FOCAD: variants seen among roughly 807,000 people sequenced by gnomAD.
FOCAD encodes the protein KIAA1797.
In FOCAD, 198 loss-of-function variants were observed where a neutral mutation model predicts 225.6. The ratio of observed to expected loss-of-function variants is 0.88; its 90% CI spans 0.78 to 0.99. The LOEUF is 0.99. Ranked by LOEUF, FOCAD falls within the 50% of genes least tolerant of loss-of-function variation. The pLI is 0.00. For synonymous variants in FOCAD, 897 were observed against 755.0 expected, an observed-to-expected ratio of 1.19 and a Z score of -3.08; for missense variants, 2,713 against 2,123.6, an observed-to-expected ratio of 1.28 and a Z score of -5.46.
intron 19 of FOCAD, among the ~76,000 whole-genome samples, chr9:20,876,514 A>G (rs1986632): frequency 6.6e-6 from 1 of 151,900 alleles, no homozygotes; most frequent in African/African-American, 2.4e-5. Flanking sequence ...TATTACCTGG[A>G]TCTTCTACAT....
chr9:20,969,678 G>A (rs762966848), intron 35 of FOCAD, among the ~76,000 whole-genome samples: 1 of 121,072 alleles, frequency 8.3e-6, no homozygotes, highest in African/African-American at 3.2e-5. Context: ...CATAGTAAGT[G>A]AAAAGGGGAG....
chr9:20,983,213 G>A (rs1171501975), intron 39 of FOCAD, among the ~76,000 whole-genome samples: 1 of 152,154 alleles, frequency 6.6e-6, no homozygotes, highest in African/African-American at 2.4e-5. Context: ...ACGGAGCCCA[G>A]GAGTCTATGT....
chr9:20,750,583 C>A (rs561124160), intron 5 of FOCAD, among the ~76,000 whole-genome samples: 1 of 152,110 alleles, frequency 6.6e-6, no homozygotes, highest in Non-Finnish European at 1.5e-5. Flanking sequence ...GAAGGGTGAC[C>A]TGACTGCCTG....
Position 20,765,044 on chromosome 9 carries a change from C to G in FOCAD, c.670C>G (p.Leu224Val), listed in dbSNP as rs1829937459. Residue 224 changes from leucine (L) to valine (V), a missense_variant, in exon 7 of 44, where the codon CTG (leucine) becomes GTG (valine). Coordinates refer to ENST00000338382, the MANE Select transcript of FOCAD (RefSeq NM_001375567.1). ...PSILEQQILQ[L>V]CCDIVPCLQV... Reference sequence around the variant, plus strand: ...AATACTGGAACAGCAGATACTTCAACTGTGTTGTGACATAGTTCCATGTTT... The same window carrying G: ...AATACTGGAACAGCAGATACTTCAAGTGTGTTGTGACATAGTTCCATGTTT... 3 of 1,613,826 alleles carry G rather than the reference C, an allele frequency of 1.9e-6. No homozygotes were observed. Among genetic ancestry groups the G allele is most frequent in the Non-Finnish European group, 2.5e-6 (3 of 1,179,950 alleles).
intron 4 of FOCAD, among the ~76,000 whole-genome samples, chr9:20,722,690 T>G (rs1825882925): frequency 6.6e-6 from 1 of 152,236 alleles, no homozygotes; most frequent in Non-Finnish European, 1.5e-5. Flanking sequence ...ATAATTCTAT[T>G]GTATACCAAT....
chr9:20,879,944 G>C (rs1564105162), intron 19 of FOCAD, among the ~76,000 whole-genome samples: 1 of 152,118 alleles, frequency 6.6e-6, no homozygotes, highest in Non-Finnish European at 1.5e-5. Flanking sequence ...GGATCCTTCT[G>C]AGAAAGGAAG....
Position 20,789,469 on chromosome 9 carries a change from A to C in FOCAD, c.1316A>C (p.Glu439Ala). ...GCAAGTGACTGGTTGGCTTCAGTAGAGTCATTGCTTCCTATTACTGCTGTG... is the reference window on the plus strand; with the variant it reads ...GCAAGTGACTGGTTGGCTTCAGTAGCGTCATTGCTTCCTATTACTGCTGTG... ...SAASDWLASV[E>A]SLLPITAVIP... Residue 439 changes from glutamate (E) to alanine (A), a missense_variant, in exon 11 of 44, where the codon GAG becomes GCG. Coordinates refer to ENST00000338382, the MANE Select transcript of FOCAD (RefSeq NM_001375567.1). The C allele has an allele frequency of 6.2e-7, 1 of 1,613,948 alleles. No homozygotes were observed. Among genetic ancestry groups the C allele is most frequent in the Admixed American group, 1.7e-5 (1 of 59,950 alleles).
intron 39 of FOCAD, 23 bp from the exon 40 acceptor site, chr9:20,986,265 A>ATTTTTTTTTTTTTTT: frequency 2.2e-6 from 1 of 457,016 alleles, no homozygotes; most frequent in Non-Finnish European, 2.9e-6. Flanking sequence ...GTAACTAAAC[A>ATTTTTTTTTTTTTTT]ATTTTTTTTT....
chr9:20,894,878 T>C (rs1831941860), intron 21 of FOCAD, among the ~76,000 whole-genome samples: 1 of 152,078 alleles, frequency 6.6e-6, no homozygotes, highest in East Asian at 1.9e-4. Context: ...GCCTTTGATA[T>C]TGTTTCTGAA....
At chr9:20,783,037 T>C (rs1485868221) in intron 10 of FOCAD, among the ~76,000 whole-genome samples, 1 of 152,164 alleles carries the variant, frequency 6.6e-6, no homozygotes, top group African/African-American at 2.4e-5. Flanking sequence ...ACTTTACCTC[T>C]TGGTTTGCCC....
At chr9:20,992,921 C>T (rs1841790453) in intron 42 of FOCAD, among the ~76,000 whole-genome samples, 1 of 151,700 alleles carries the variant, frequency 6.6e-6, no homozygotes. Flanking sequence ...CGAGATTGCG[C>T]TACTGCACTC....
At chr9:20,894,472 A>G (rs1425253193) in intron 21 of FOCAD, among the ~76,000 whole-genome samples, 4 of 152,128 alleles carry the variant, frequency 2.6e-5, no homozygotes, top group Non-Finnish European at 5.9e-5. Context: ...CAAAGTGGCT[A>G]TACCATTTCG....
intron 1 of FOCAD, among the ~76,000 whole-genome samples, chr9:20,699,138 A>G (rs1002126312): frequency 4.6e-5 from 7 of 152,254 alleles, no homozygotes; most frequent in Admixed American, 3.3e-4. Context: ...TACTGGTTCT[A>G]CCTTATTTGT....
chr9:20,945,713 T>A (rs1837104423), intron 29 of FOCAD, among the ~76,000 whole-genome samples: 1 of 152,218 alleles, frequency 6.6e-6, no homozygotes, highest in Admixed American at 6.5e-5. Context: ...AAAGCAATGT[T>A]TTTATAACTG....
chr9:20,744,811 C>T (rs1470432857), intron 5 of FOCAD, among the ~76,000 whole-genome samples: 1 of 152,158 alleles, frequency 6.6e-6, no homozygotes, highest in African/African-American at 2.4e-5. Flanking sequence ...TATGTGAAAT[C>T]TCCTGACTGA....
upstream of FOCAD, chr9:20,658,183 C>T (rs1389716805): frequency 1.3e-5 from 2 of 150,218 alleles, no homozygotes; most frequent in Non-Finnish European, 3.0e-5. Context: ...CTCTTCAAAG[C>T]TGTCAGACAG....
chr9:20,901,922 T>G (rs1832597608), intron 21 of FOCAD, among the ~76,000 whole-genome samples: 1 of 151,826 alleles, frequency 6.6e-6, no homozygotes, highest in African/African-American at 2.4e-5. Flanking sequence ...TCTGCAAAAC[T>G]GTCTTCTCAA....
chr9:20,919,014 C>T (rs1834127382), intron 24 of FOCAD, among the ~76,000 whole-genome samples: 1 of 152,074 alleles, frequency 6.6e-6, no homozygotes, highest in African/African-American at 2.4e-5. Flanking sequence ...TTGTTCAGAG[C>T]TAGAAGTTAA....
At position 20,965,710 on chromosome 9, in the gene FOCAD, T is replaced by C. The variant is rs141988723; in HGVS notation, c.4133-10710T>C. On this transcript the variant is annotated intron_variant, in intron 35 of 43. Transcript: ENST00000338382. The stretch of plus-strand genomic sequence containing the variant: ...CCCATTTCCCATTTTTCCAAGATCC[T>C]AGCAACCAATAATTTGCTTTCTGTC... Among the ~76,000 whole-genome samples, 211 of 152,310 alleles carry C rather than the reference T, an allele frequency of 1.4e-3. 6 individuals carry two copies. The South Asian group carries it at 0.022, about 16-fold the overall frequency.
Sources: gnomAD v4.1 joint callset for allele counts (sites outside exome capture counted in the v4.1 genomes callset) on GRCh38, gnomAD v4.1.1 for gene constraint, MANE v1.5 for transcripts, NCBI Gene and HGNC (gene_info 2026-07-23, HGNC 2026-07-21) for gene names.